Variants in TTC19 observed in about 807,000 individuals in gnomAD.
TTC19 encodes the protein tetratricopeptide repeat domain 19, also known as tetratricopeptide repeat protein 19, mitochondrial.
Under a neutral mutation model 49.5 loss-of-function variants are expected in TTC19, and 38 were observed. The observed-to-expected ratio is 0.77, with a 90% confidence interval of 0.59 to 1.01. The LOEUF (loss-of-function observed/expected upper bound fraction) is 1.01, where lower values mean the gene tolerates loss of function less well. Among genes scored for constraint, TTC19 ranks in the 50% least tolerant of loss-of-function variants. The pLI, the probability that TTC19 is intolerant of heterozygous loss-of-function variation, is 0.00. For missense variants in TTC19, 475 were observed against 477.7 expected (o/e 0.99, Z 0.05); for synonymous variants, 204 against 185.2 (o/e 1.10, Z -0.83).
At chr17:16,040,291 G>A in intron 2 of TTC19, 1 of 728,566 alleles carries the variant, frequency 1.4e-6, no homozygotes, top group Non-Finnish European at 2.5e-6. Context: ...TGTGCTACTG[G>A]GTAAACCTTC....
intron 7 of TTC19, among the ~76,000 whole-genome samples, chr17:16,021,008 GTTCA>G (rs150319740): frequency 0.02 from 3,087 of 152,116 alleles, 109 homozygotes; most frequent in African/African-American, 0.07. Context: ...CCTTCTATTT[GTTCA>G]TTCATTCAAC....
intron 7 of TTC19, among the ~76,000 whole-genome samples, chr17:16,009,974 G>A (rs940252909): frequency 6.6e-6 from 1 of 151,746 alleles, no homozygotes; most frequent in Non-Finnish European, 1.5e-5. Context: ...GGTTTATAGG[G>A]AATTTATATT....
intron 7 of TTC19, among the ~76,000 whole-genome samples, chr17:16,019,307 T>C (rs1056795815): frequency 6.6e-6 from 1 of 152,194 alleles, no homozygotes; most frequent in Non-Finnish European, 1.5e-5. Flanking sequence ...CACTCCAGCC[T>C]GGGTGACAGA....
Position 16,025,026 on chromosome 17 carries a change from A to G in TTC19, c.686A>G (p.Lys229Arg). The G allele has an allele frequency of 6.2e-7, 1 of 1,613,906 alleles. No homozygotes were observed. The highest frequency in any genetic ancestry group is 8.5e-7 in the Non-Finnish European group (1 of 1,179,832). ...LAEDIMSVEE[K>R]ANTHLLLGMC... is the part of the protein sequence containing the mutation. ...CCTCTTTTCTCCTTAGTGGAAGAGAAAGCCAATACCCACCTCCTCTTGGGC... is the reference window on the plus strand; with the variant it reads ...CCTCTTTTCTCCTTAGTGGAAGAGAGAGCCAATACCCACCTCCTCTTGGGC... The change falls in exon 8 of 10, where the codon AAA becomes AGA. Residue 229 changes from lysine to arginine, a missense_variant. Coordinates refer to ENST00000261647, the MANE Select transcript of TTC19 (RefSeq NM_017775.4).
intron 2 of TTC19, chr17:16,039,349 G>A: frequency 2.3e-6 from 3 of 1,283,560 alleles, no homozygotes; most frequent in Non-Finnish European, 3.3e-6. Flanking sequence ...TAAATGAAAT[G>A]TCTTAGTGAT....
downstream of TTC19, chr17:16,030,591 A>G (rs573004744): frequency 5.5e-6 from 1 of 183,022 alleles, no homozygotes; most frequent in Non-Finnish European, 1.2e-5. Context: ...ATCTGTTGTA[A>G]AAAATACCAA....
intron 2 of TTC19, chr17:16,039,423 A>C (rs988930214): frequency 6.2e-7 from 1 of 1,609,558 alleles, no homozygotes; most frequent in Non-Finnish European, 8.5e-7. Flanking sequence ...CACTAAAATG[A>C]AAGCTGTACC....
intron 7 of TTC19, among the ~76,000 whole-genome samples, chr17:16,015,246 C>T (rs935991356): frequency 1.3e-5 from 2 of 152,142 alleles, no homozygotes; most frequent in African/African-American, 2.4e-5. Flanking sequence ...TGAGTTAATT[C>T]TCCGGCAGCT....
chr17:16,039,640 T>C, intron 2 of TTC19: 1 of 1,613,806 alleles, frequency 6.2e-7, no homozygotes, highest in Non-Finnish European at 8.5e-7. Context: ...GAATGGCCTC[T>C]AGAGCTAACT....
At chr17:16,014,984 G>A (rs895189469) in intron 7 of TTC19, among the ~76,000 whole-genome samples, 1 of 152,176 alleles carries the variant, frequency 6.6e-6, no homozygotes, top group African/African-American at 2.4e-5. Flanking sequence ...CTTAGTACCT[G>A]TGTAGTGCTG....
exon 3 of TTC19, chr17:16,044,860 C>G: frequency 1.2e-6 from 1 of 821,698 alleles, no homozygotes; most frequent in South Asian, 1.4e-5. Context: ...TGGGATCCTG[C>G]CCACTCCACT....
chr17:16,003,715 G>T, intron 4 of TTC19, 116 bp from the exon 5 acceptor site: 2 of 894,930 alleles, frequency 2.2e-6, no homozygotes, highest in South Asian at 1.4e-5. Flanking sequence ...CGTGTGTGTG[G>T]GTATATGGGT....
Position 15,999,831 on chromosome 17 carries a change from A to G in TTC19, c.-18A>G, listed in dbSNP as rs763039280. ...GGAGCGCGTCTGGCCTGCAGTGCGC[A>G]GAGGACGCGGCGGGAGCATGTTCCG... On this transcript the variant is annotated 5_prime_UTR_variant, in exon 1 of 10. Coordinates refer to ENST00000261647, the MANE Select transcript of TTC19 (RefSeq NM_017775.4). 1.3e-5 allele frequency: 20 copies of G among 1,542,172 alleles called. No homozygotes were observed. Among genetic ancestry groups the G allele is most frequent in the Non-Finnish European group, 1.7e-5 (20 of 1,152,734 alleles).
Position 16,029,015 on chromosome 17 carries a change from A to G in TTC19, c.*1493A>G, listed in dbSNP as rs545466075. ...CGTTTACCAAGTCTAGCTCAGAGAGATAAGATACAATATAAATCAGACTGT... is the reference window on the plus strand; with the variant it reads ...CGTTTACCAAGTCTAGCTCAGAGAGGTAAGATACAATATAAATCAGACTGT... On this transcript the variant is annotated 3_prime_UTR_variant, in exon 10 of 10. Coordinates refer to ENST00000261647, the MANE Select transcript of TTC19 (RefSeq NM_017775.4). The G allele has an allele frequency of 5.8e-5, 26 of 444,588 alleles. No homozygotes were observed. Among genetic ancestry groups the G allele is most frequent in the African/African-American group, 4.4e-4 (22 of 49,582 alleles). 27.5% of individuals were successfully genotyped at this position (444,588 alleles called of 1,614,324 possible).
chr17:16,000,871 G>T (rs1970707132), intron 2 of TTC19, among the ~76,000 whole-genome samples: 1 of 152,020 alleles, frequency 6.6e-6, no homozygotes, highest in East Asian at 1.9e-4. Flanking sequence ...ATACGCTTTC[G>T]CCATCTCTTT....
downstream of TTC19, chr17:16,031,127 T>G (rs1484071989): frequency 5.1e-6 from 1 of 194,568 alleles, no homozygotes; most frequent in African/African-American, 2.3e-5. Flanking sequence ...TTTAAATTAT[T>G]TGCACCTTGA....
At chr17:16,032,515 A>T, downstream of TTC19, 1 of 1,547,358 alleles carries the variant, frequency 6.5e-7, no homozygotes, top group South Asian at 1.2e-5. Flanking sequence ...TTTCATTGTC[A>T]TGAACATAAC....
intron 3 of TTC19, 156 bp from the exon 4 acceptor site, chr17:16,002,637 T>C: frequency 1.4e-6 from 1 of 720,694 alleles, no homozygotes. Context: ...ATGATTGCTG[T>C]CCTGTGCTTC....
chr17:16,003,660 G>A (rs1046891700), intron 4 of TTC19, among the ~76,000 whole-genome samples, 171 bp from the exon 5 acceptor site: 1 of 151,946 alleles, frequency 6.6e-6, no homozygotes, highest in East Asian at 1.9e-4. Flanking sequence ...CTGATATTTT[G>A]ATCTGTTTTC....
Sources: allele counts gnomAD v4.1 joint callset (sites outside exome capture counted in the v4.1 genomes callset), GRCh38; gene constraint gnomAD v4.1.1; transcripts MANE v1.5; gene names NCBI Gene and HGNC (gene_info 2026-07-23, HGNC 2026-07-21).